Variants in TASP1 observed in about 807,000 individuals in gnomAD.
TASP1 encodes taspase 1.
TASP1 carries 16 observed loss-of-function variants against 56.6 expected under a neutral mutation model. The observed-to-expected ratio is 0.28, with a 90% CI of 0.19 to 0.43. TASP1 has a LOEUF of 0.43. Ranked by LOEUF, TASP1 falls within the 20% of genes least tolerant of loss-of-function variation. TASP1 has a pLI of 1.00. For synonymous variants in TASP1, 179 were observed against 184.2 expected, an observed-to-expected ratio of 0.97 and a Z score of 0.23; for missense variants, 393 against 511.6, an observed-to-expected ratio of 0.77 and a Z score of 2.24.
chr20:13,636,577 C>A (rs559686073), intron 1 of TASP1, among the ~76,000 whole-genome samples: 1 of 152,074 alleles, frequency 6.6e-6, no homozygotes, highest in African/African-American at 2.4e-5. Context: ...AAACTTTCTA[C>A]CAAAATAACT....
intron 13 of TASP1, among the ~76,000 whole-genome samples, chr20:13,398,056 T>C (rs962838871): frequency 2.6e-5 from 4 of 152,158 alleles, no homozygotes; most frequent in African/African-American, 7.2e-5. Flanking sequence ...AATCTTACTA[T>C]AGTTTGAAAA....
At chr20:13,571,835 T>A (rs80188032) in intron 6 of TASP1, among the ~76,000 whole-genome samples, 4,206 of 152,272 alleles carry the variant, frequency 0.028, 153 homozygotes, top group African/African-American at 0.08. Flanking sequence ...ACTCTACTCA[T>A]TGTCGTGTAA....
At chr20:13,365,319 G>A in the TASP1 span, among the ~76,000 whole-genome samples, 3,999 of 152,314 alleles carry the variant, frequency 0.026, 67 homozygotes, top group Middle Eastern at 0.051. Flanking sequence ...AATGAGACAG[G>A]TTTGGTCTCT....
the TASP1 span, among the ~76,000 whole-genome samples, chr20:13,208,158 C>T: frequency 3.3e-5 from 5 of 152,184 alleles, no homozygotes; most frequent in African/African-American, 1.2e-4. Flanking sequence ...TATGCGTCAA[C>T]TTCCTATGCC....
At chr20:13,134,560 A>G in the TASP1 span, among the ~76,000 whole-genome samples, 4 of 152,188 alleles carry the variant, frequency 2.6e-5, no homozygotes, top group African/African-American at 7.2e-5. Context: ...ACCAGCAGCA[A>G]TGTTACCTGG....
chr20:13,616,175 T>C (rs2048517295), intron 4 of TASP1, among the ~76,000 whole-genome samples: 1 of 152,150 alleles, frequency 6.6e-6, no homozygotes, highest in Non-Finnish European at 1.5e-5. Flanking sequence ...TTCCTATTAA[T>C]ATAGGACTAG....
chr20:13,516,294 T>C (rs571338666), intron 10 of TASP1, among the ~76,000 whole-genome samples: 5 of 152,196 alleles, frequency 3.3e-5, no homozygotes, highest in African/African-American at 9.6e-5. Context: ...CACAAAGAAA[T>C]TGTTTTTCTC....
chr20:13,150,163 C>A, the TASP1 span, among the ~76,000 whole-genome samples: 1 of 152,170 alleles, frequency 6.6e-6, no homozygotes, highest in African/African-American at 2.4e-5. Flanking sequence ...CACAATCTCC[C>A]CCTACTCTTT....
the TASP1 span, among the ~76,000 whole-genome samples, chr20:13,362,440 T>G: frequency 0.24 from 32,906 of 137,242 alleles, 4,491 homozygotes; most frequent in African/African-American, 0.37. Flanking sequence ...AAAGTCCTTT[T>G]CCTGGCTCAT....
chr20:13,151,165 G>A, the TASP1 span, among the ~76,000 whole-genome samples: 1 of 152,114 alleles, frequency 6.6e-6, no homozygotes, highest in African/African-American at 2.4e-5. Flanking sequence ...GGCTTACTCT[G>A]TCTCACAGAT....
At chr20:13,228,395 C>A in the TASP1 span, among the ~76,000 whole-genome samples, 1 of 152,136 alleles carries the variant, frequency 6.6e-6, no homozygotes, top group Non-Finnish European at 1.5e-5. Context: ...TTAGACATAT[C>A]TTTATTTGAT....
the TASP1 span, among the ~76,000 whole-genome samples, chr20:13,140,914 C>A: frequency 6.6e-6 from 1 of 152,126 alleles, no homozygotes; most frequent in Non-Finnish European, 1.5e-5. Flanking sequence ...CATGAGATTG[C>A]CAGGTGAGGT....
chr20:13,414,890 A>G (rs1258636719), intron 13 of TASP1, among the ~76,000 whole-genome samples: 1 of 152,096 alleles, frequency 6.6e-6, no homozygotes, highest in Non-Finnish European at 1.5e-5. Flanking sequence ...TTACAATGAT[A>G]CTGATTATTA....
intron 4 of TASP1, among the ~76,000 whole-genome samples, chr20:13,613,402 GA>G (rs2048415789): frequency 6.6e-6 from 1 of 152,038 alleles, no homozygotes; most frequent in African/African-American, 2.4e-5. Context: ...GTGTTGTGCC[GA>G]AAACACAGAA....
At chr20:13,531,755 C>A (rs2045229043) in intron 9 of TASP1, among the ~76,000 whole-genome samples, 1 of 152,134 alleles carries the variant, frequency 6.6e-6, no homozygotes. Context: ...CCTCTGCCTC[C>A]CAGGTTCAAG....
chr20:13,306,021 T>C, the TASP1 span, among the ~76,000 whole-genome samples: 2 of 152,312 alleles, frequency 1.3e-5, no homozygotes, highest in East Asian at 3.9e-4. Context: ...GCTAATTTTC[T>C]ATCTGTTCTG....
At chr20:13,145,348 C>T in the TASP1 span, among the ~76,000 whole-genome samples, 2 of 152,034 alleles carry the variant, frequency 1.3e-5, no homozygotes, top group Non-Finnish European at 2.9e-5. Flanking sequence ...CCAACAACAG[C>T]AAAACTGAGA....
At chr20:13,315,414 A>G in the TASP1 span, among the ~76,000 whole-genome samples, 1 of 152,060 alleles carries the variant, frequency 6.6e-6, no homozygotes, top group Admixed American at 6.5e-5. Flanking sequence ...TAGACTTAAG[A>G]CCAAGGAAAG....
intron 4 of TASP1, among the ~76,000 whole-genome samples, chr20:13,589,639 A>G (rs1178651686): frequency 6.6e-6 from 1 of 152,192 alleles, no homozygotes; most frequent in Non-Finnish European, 1.5e-5. Flanking sequence ...TTTTATTTCA[A>G]AGGACACCAT....
Sources: allele counts gnomAD v4.1 joint callset (sites outside exome capture counted in the v4.1 genomes callset), GRCh38; gene constraint gnomAD v4.1.1; transcripts MANE v1.5; gene names NCBI Gene and HGNC (gene_info 2026-07-23, HGNC 2026-07-21).